The following NCOR1 variants were observed in gnomAD, a reference collection of about 807,000 sequenced individuals.
NCOR1 encodes the protein protein phosphatase 1, regulatory subunit 109.
Under a neutral mutation model 288.1 loss-of-function variants are expected in NCOR1, and 63 were observed. The observed-to-expected ratio is 0.22, with a 90% confidence interval of 0.18 to 0.27. The LOEUF (loss-of-function observed/expected upper bound fraction) is 0.27, where lower values mean the gene tolerates loss of function less well. Ranked by LOEUF, NCOR1 falls within the 10% of genes least tolerant of loss-of-function variation. NCOR1 has a pLI of 1.00. For synonymous variants in NCOR1, 1,007 were observed against 1,065.9 expected, an observed-to-expected ratio of 0.94 and a Z score of 1.08; for missense variants, 2,397 against 3,019.2, an observed-to-expected ratio of 0.79 and a Z score of 4.83.
chr17:16,148,949 AT>A (rs1361395763), intron 9 of NCOR1, among the ~76,000 whole-genome samples: 1 of 152,082 alleles, frequency 6.6e-6, no homozygotes, highest in East Asian at 1.9e-4. Flanking sequence ...CACTGGCATT[AT>A]ATTTTCTATA....
At chr17:16,092,849 C>CCA (rs1187413980) in intron 21 of NCOR1, among the ~76,000 whole-genome samples, 3 of 150,240 alleles carry the variant, frequency 2.0e-5, no homozygotes, top group Non-Finnish European at 1.5e-5. Context: ...CAGGTGTGCA[C>CCA]CACCACACCC....
intron 21 of NCOR1, among the ~76,000 whole-genome samples, chr17:16,092,676 TATATATATA>T (rs2065494980): frequency 5.9e-4 from 14 of 23,792 alleles, no homozygotes; most frequent in African/African-American, 3.0e-3. Context: ...TATATATATA[TATATATATA>T]TATATATATA....
rs1313397282 is a variant in NCOR1 at position 16,070,475 on chromosome 17, G to A, written c.4203C>T (p.His1401=). ...DNNSGQSAIK[H]NVKSLITGPS... is the part of the protein sequence containing the mutation. ...GCCCCGTGATTAAGGATTTGACATT[G>A]TGTTTGATGGCAGATTGACCTGAGT... is the stretch of plus-strand genomic sequence containing the variant. The change falls in exon 31 of 46, where the codon CAC becomes CAT. Residue 1401 remains histidine (H), a synonymous_variant. Transcript: ENST00000268712. 2 of 1,614,200 alleles carry A rather than the reference G, an allele frequency of 1.2e-6. No individual in the cohort carries two copies. The highest frequency in any genetic ancestry group is 1.7e-6 in the Non-Finnish European group (2 of 1,180,032).
intron 21 of NCOR1, 89 bp from the exon 22 acceptor site, chr17:16,092,147 T>C (rs757292821): frequency 4.4e-5 from 62 of 1,419,644 alleles, no homozygotes; most frequent in Non-Finnish European, 5.7e-5. Flanking sequence ...ATTTCTGTCA[T>C]GTTATTGGTT....
At chr17:16,057,419 C>T (rs776774400) in intron 40 of NCOR1, 95 bp downstream of exon 40, 1 of 1,262,424 alleles carries the variant, frequency 7.9e-7, no homozygotes, top group Non-Finnish European at 1.1e-6. Context: ...GGCAAATGAA[C>T]TTTAGTTGTG....
chr17:16,095,763 C>A (rs1010459872), intron 21 of NCOR1, among the ~76,000 whole-genome samples: 1 of 146,932 alleles, frequency 6.8e-6, no homozygotes, highest in East Asian at 2.1e-4. Flanking sequence ...CGCCTCTGCC[C>A]GGCTGCCCCT....
chr17:16,076,135 T>C lies in NCOR1; in HGVS notation c.3502-433A>G, dbSNP rs111546309. On this transcript the variant is annotated intron_variant, in intron 26 of 45. Coordinates refer to ENST00000268712, the MANE Select transcript of NCOR1 (RefSeq NM_006311.4). Reference sequence around the variant, plus strand: ...TAAATAAATGTGGTTAAGTTCTTGTTTTCTTCTGAATGTAGTTACGCAATA... The same window carrying C: ...TAAATAAATGTGGTTAAGTTCTTGTCTTCTTCTGAATGTAGTTACGCAATA... 1.3e-3 allele frequency among the ~76,000 whole-genome samples: 195 copies of C among 152,376 alleles called. 1 individual carries two copies. Among genetic ancestry groups the C allele is most frequent in the Middle Eastern group, 3.4e-3 (1 of 294 alleles).
At chr17:16,126,811 T>C (rs2074128192) in intron 14 of NCOR1, among the ~76,000 whole-genome samples, 1 of 152,174 alleles carries the variant, frequency 6.6e-6, no homozygotes. Flanking sequence ...ATCTCTGATG[T>C]CTCATTTGCA....
intron 9 of NCOR1, among the ~76,000 whole-genome samples, chr17:16,148,563 G>A (rs575133177): frequency 6.8e-6 from 1 of 146,872 alleles, no homozygotes; most frequent in Non-Finnish European, 1.5e-5. Context: ...TGCATCACCA[G>A]TGAACTTATT....
chr17:16,168,963 CA>C (rs764946023), intron 4 of NCOR1, among the ~76,000 whole-genome samples: 117 of 81,672 alleles, frequency 1.4e-3, no homozygotes, highest in Admixed American at 1.5e-3. Context: ...GACTCCGTCT[CA>C]AAAAAAAAAA....
At chr17:16,188,819 T>C (rs1301099176) in intron 2 of NCOR1, among the ~76,000 whole-genome samples, 1 of 148,370 alleles carries the variant, frequency 6.7e-6, no homozygotes, top group South Asian at 2.2e-4. Flanking sequence ...GAGGTCAGGA[T>C]TTCGAGACCA....
At chr17:16,077,474 GGAGGA>G (rs1213548790) in intron 26 of NCOR1, among the ~76,000 whole-genome samples, 1 of 19,732 alleles carries the variant, frequency 5.1e-5, no homozygotes, top group African/African-American at 2.3e-4. Flanking sequence ...GGAGGAGAGG[GGAGGA>G]GAGGGGAGGA....
intron 31 of NCOR1, chr17:16,068,358 A>G (rs1419135006): frequency 4.1e-6 from 2 of 491,258 alleles, no homozygotes; most frequent in Non-Finnish European, 7.3e-6. Context: ...TCATAGCACC[A>G]GTATTTTACC....
chr17:16,203,326 T>G (rs2091092206), intron 1 of NCOR1, among the ~76,000 whole-genome samples: 3 of 152,134 alleles, frequency 2.0e-5, no homozygotes, highest in African/African-American at 7.2e-5. Context: ...CTTTCCAGAT[T>G]GCTCACTAGG....
chr17:16,189,826 G>T (rs2087720773), intron 2 of NCOR1, among the ~76,000 whole-genome samples: 1 of 152,088 alleles, frequency 6.6e-6, no homozygotes, highest in African/African-American at 2.4e-5. Context: ...AAGTTAGAAG[G>T]ATCATAATAA....
intron 21 of NCOR1, among the ~76,000 whole-genome samples, chr17:16,092,680 TATATATATATATATA>T (rs1462040986): frequency 0.016 from 363 of 22,530 alleles, 26 homozygotes; most frequent in Admixed American, 0.016. Flanking sequence ...TATATATATA[TATATATATATATATA>T]TTTTTTTTTT....
intron 5 of NCOR1, among the ~76,000 whole-genome samples, chr17:16,161,811 T>C (rs924645263): frequency 1.3e-5 from 2 of 152,296 alleles, no homozygotes; most frequent in Admixed American, 1.3e-4. Context: ...GTACATTTCA[T>C]AATAATCATA....
intron 23 of NCOR1, among the ~76,000 whole-genome samples, chr17:16,083,658 CT>C (rs2063756743): frequency 6.6e-6 from 1 of 151,246 alleles, no homozygotes; most frequent in South Asian, 2.1e-4. Flanking sequence ...GGGAAACATC[CT>C]CGTAAAATAG....
At chr17:16,048,260 G>T (rs1185998701) in intron 41 of NCOR1, among the ~76,000 whole-genome samples, 1 of 152,198 alleles carries the variant, frequency 6.6e-6, no homozygotes, top group Non-Finnish European at 1.5e-5. Context: ...TCCAGTGTAG[G>T]GATGATGCAG....
Sources: gnomAD v4.1 joint callset for allele counts (sites outside exome capture counted in the v4.1 genomes callset) on GRCh38, gnomAD v4.1.1 for gene constraint, MANE v1.5 for transcripts, NCBI Gene and HGNC (gene_info 2026-07-23, HGNC 2026-07-21) for gene names.